MED27: variants seen among roughly 807,000 people sequenced by gnomAD.
The protein encoded by MED27 is mediator of RNA polymerase II transcription subunit 27.
Under a neutral mutation model 38.2 loss-of-function variants are expected in MED27, and 30 were observed. That is an observed-to-expected ratio of 0.79 (90% CI 0.59 to 1.07). MED27 has a LOEUF of 1.07. MED27 is among the 50% of genes least tolerant of loss of function. MED27 has a pLI of 0.00. For synonymous variants in MED27, 122 were observed against 153.5 expected, an observed-to-expected ratio of 0.79 and a Z score of 1.52; for missense variants, 289 against 397.5, an observed-to-expected ratio of 0.73 and a Z score of 2.32.
chr9:132,042,894 T>C (rs1466782204), intron 2 of MED27, among the ~76,000 whole-genome samples: 1 of 152,214 alleles, frequency 6.6e-6, no homozygotes, highest in Non-Finnish European at 1.5e-5. Flanking sequence ...CAATTAATCA[T>C]GTGTACATTA....
chr9:131,929,637 C>T (rs899605226), intron 4 of MED27, among the ~76,000 whole-genome samples: 18 of 152,150 alleles, frequency 1.2e-4, no homozygotes, highest in African/African-American at 3.4e-4. Context: ...GAACTCCCCA[C>T]GGACCAGTGG....
chr9:131,868,885 G>T (rs1838780016), intron 6 of MED27: 1 of 985,364 alleles, frequency 1.0e-6, no homozygotes, highest in African/African-American at 1.7e-5. Flanking sequence ...CTGCTCAAGG[G>T]TAGCACGAAC....
In MED27 at chr9:131,933,975, C is replaced by T. The variant is rs1450076893; in HGVS notation, c.573+5406G>A. Among the ~76,000 whole-genome samples the T allele has an allele frequency of 3.9e-5, 6 of 152,184 alleles. No homozygotes were observed. In the East Asian group the frequency reaches 1.2e-3, roughly 29 times the overall value. Reference sequence around the variant, plus strand: ...TAGAGAGCCCAGAAACAAATCCATACGCCTACAGTGAACTCATTTTTGACA... The same window carrying T: ...TAGAGAGCCCAGAAACAAATCCATATGCCTACAGTGAACTCATTTTTGACA... On this transcript the variant is annotated intron_variant, in intron 4 of 7. Coordinates refer to ENST00000292035, the MANE Select transcript of MED27 (RefSeq NM_004269.4).
At chr9:131,923,779 G>T (rs534373677) in intron 4 of MED27, among the ~76,000 whole-genome samples, 1 of 152,146 alleles carries the variant, frequency 6.6e-6, no homozygotes, top group South Asian at 2.1e-4. Context: ...TCTGCTTCAG[G>T]TTTCTCTTTC....
In MED27 at chr9:131,861,804, G is replaced by A. The variant is rs1381051890; in HGVS notation, c.802-1132C>T. On this transcript the variant is annotated intron_variant, in intron 7 of 7. Transcript: ENST00000292035. The surrounding 1 kb of genome is among the most constrained non-coding windows in gnomAD (Gnocchi z 4.4). The stretch of plus-strand genomic sequence containing the variant: ...TTTTTTTTTTATGAGACCACATCTC[G>A]CTCTGACACCCAGGCTGGAGCGCAG... 1.4e-5 allele frequency among the ~76,000 whole-genome samples: 2 copies of A among 146,370 alleles called. No individual in the cohort carries two copies. Among genetic ancestry groups the A allele is most frequent in the Admixed American group, 7.0e-5 (1 of 14,222 alleles).
chr9:131,907,703 T>G (rs953235957), intron 4 of MED27, among the ~76,000 whole-genome samples: 1 of 150,582 alleles, frequency 6.6e-6, no homozygotes, highest in Admixed American at 6.6e-5. Context: ...GAGGAGCCCC[T>G]CTGCCTGGCT....
chr9:131,983,582 A>C (rs1352785061), intron 3 of MED27, among the ~76,000 whole-genome samples: 1 of 152,224 alleles, frequency 6.6e-6, no homozygotes, highest in Non-Finnish European at 1.5e-5. Flanking sequence ...ATTAACAATG[A>C]ATATTTTTAG....
chr9:132,000,370 C>T lies in MED27; in HGVS notation c.479+13967G>A, dbSNP rs568370616. ...GGACAATGTCAAGTGCTGGTGGAAG[C>T]ACAGCAACTGGAACTCTCATACCCT... On this transcript the variant is annotated intron_variant, in intron 3 of 7. Transcript: ENST00000292035. Among the ~76,000 whole-genome samples the T allele has an allele frequency of 9.2e-5, 14 of 152,182 alleles. No individual in the cohort carries two copies. The South Asian group carries it at 2.7e-3, about 29-fold the overall frequency.
At chr9:131,952,185 C>T (rs563648629) in intron 3 of MED27, among the ~76,000 whole-genome samples, 11 of 152,300 alleles carry the variant, frequency 7.2e-5, no homozygotes, top group African/African-American at 1.2e-4. Context: ...AGGCACTGGC[C>T]GGAGACTCAG....
chr9:131,934,458 A>T (rs1589220652), intron 4 of MED27, among the ~76,000 whole-genome samples: 1 of 152,204 alleles, frequency 6.6e-6, no homozygotes, highest in Non-Finnish European at 1.5e-5. Flanking sequence ...TAATGATCCA[A>T]TTAAAAAATA....
At chr9:132,025,430 C>T (rs933888857) in intron 2 of MED27, among the ~76,000 whole-genome samples, 1 of 152,216 alleles carries the variant, frequency 6.6e-6, no homozygotes. Context: ...GATCTGCCCG[C>T]CTCGACCTCC....
intron 4 of MED27, among the ~76,000 whole-genome samples, chr9:131,935,797 T>C (rs1337142967): frequency 1.3e-5 from 2 of 152,132 alleles, no homozygotes; most frequent in East Asian, 1.9e-4. Flanking sequence ...AGCTTTATAA[T>C]TTACATATAC....
chr9:131,906,344 T>C (rs370623823), intron 4 of MED27, among the ~76,000 whole-genome samples: 5 of 152,304 alleles, frequency 3.3e-5, no homozygotes, highest in East Asian at 3.9e-4. Context: ...TCAAGTTTGA[T>C]TGAAACCTAC....
chr9:132,041,451 C>T (rs1388544222), intron 2 of MED27, among the ~76,000 whole-genome samples: 1 of 152,202 alleles, frequency 6.6e-6, no homozygotes, highest in South Asian at 2.1e-4. Context: ...AGGGGTAGCA[C>T]CAAATGAACA....
chr9:131,891,847 G>A (rs995705617), intron 5 of MED27, among the ~76,000 whole-genome samples: 1 of 152,138 alleles, frequency 6.6e-6, no homozygotes, highest in African/African-American at 2.4e-5. Context: ...GGAGAGGAGC[G>A]AGAGGGGTGG....
intron 3 of MED27, among the ~76,000 whole-genome samples, chr9:131,994,740 AC>A (rs1348972287): frequency 5.3e-5 from 8 of 152,190 alleles, no homozygotes. Context: ...GACAATATAC[AC>A]TTAGAGTTCT....
chr9:131,862,944 C>A lies in MED27; in HGVS notation c.801+119G>T. The A allele has an allele frequency of 1.3e-6, 1 of 744,944 alleles. No individual in the cohort carries two copies. Among genetic ancestry groups the A allele is most frequent in the Non-Finnish European group, 2.2e-6 (1 of 448,034 alleles). The allele number at this position is 744,944 out of a possible 1,614,324, so 46.1% of individuals were successfully genotyped here. On this transcript the variant is annotated intron_variant, in intron 7 of 7. Coordinates refer to ENST00000292035, the MANE Select transcript of MED27 (RefSeq NM_004269.4). The surrounding 1 kb of genome is among the most constrained non-coding windows in gnomAD (Gnocchi z 4.6). ...AGTAGCAGTTTTAAACTGGCAGCCCCATCTCCCACTGGGAGGCCCTCAAAG... is the reference window on the plus strand; with the variant it reads ...AGTAGCAGTTTTAAACTGGCAGCCCAATCTCCCACTGGGAGGCCCTCAAAG...
chr9:132,028,355 T>C (rs961124233), intron 2 of MED27, among the ~76,000 whole-genome samples: 1 of 152,214 alleles, frequency 6.6e-6, no homozygotes, highest in Non-Finnish European at 1.5e-5. Context: ...TTCTTTAGTT[T>C]CAACTTCTCC....
chr9:132,018,732 C>G (rs1020356641), intron 2 of MED27, among the ~76,000 whole-genome samples: 4 of 152,102 alleles, frequency 2.6e-5, no homozygotes, highest in African/African-American at 7.2e-5. Context: ...CCATCTGGCC[C>G]GAATCCCACT....
Sources: gnomAD v4.1 joint callset for allele counts (sites outside exome capture counted in the v4.1 genomes callset) on GRCh38, gnomAD v4.1.1 for gene constraint, Gnocchi (gnomAD v3.1) non-coding constraint, MANE v1.5 for transcripts, NCBI Gene and HGNC (gene_info 2026-07-23, HGNC 2026-07-21) for gene names.